SLC2A9: variants seen among roughly 807,000 people sequenced by gnomAD.
The protein encoded by SLC2A9 is solute carrier family 2 member 9.
In SLC2A9, 39 loss-of-function variants were observed where a neutral mutation model predicts 50.6. That is an observed-to-expected ratio of 0.77 (90% CI 0.60 to 1.01). SLC2A9 has a LOEUF of 1.01. Among genes scored for constraint, SLC2A9 ranks in the 50% least tolerant of loss-of-function variants. The probability of loss-of-function intolerance (pLI) is 0.00; values close to 1 mark genes in which losing one functional copy is unlikely to be tolerated. For synonymous variants in SLC2A9, 324 were observed against 276.9 expected (o/e 1.17, Z -1.69); for missense variants, 686 against 677.6 (o/e 1.01, Z -0.14).
At chr4:9,949,681 A>C (rs1749850004) in intron 5 of SLC2A9, among the ~76,000 whole-genome samples, 1 of 152,056 alleles carries the variant, frequency 6.6e-6, no homozygotes, top group Non-Finnish European at 1.5e-5. Flanking sequence ...CCCTTCCCTC[A>C]TGGTGGCAGC....
At chr4:9,774,405 T>C (rs755008800) in intron 1 of SLC2A9, among the ~76,000 whole-genome samples, 5 of 152,208 alleles carry the variant, frequency 3.3e-5, no homozygotes, top group Non-Finnish European at 7.3e-5. Flanking sequence ...CCCGTGATGT[T>C]CCCTCTGTTA....
At position 9,955,288 on chromosome 4, in the gene SLC2A9, C is replaced by T. The variant is rs1396237384; in HGVS notation, c.682-13243G>A. On this transcript the variant is annotated intron_variant, in intron 5 of 11. Coordinates refer to ENST00000264784, the MANE Select transcript of SLC2A9 (RefSeq NM_020041.3). ...CGGGTGGATCACGAGGTCAGGAGAT[C>T]GAGACCATCCTGGCTAACACGGTGA... Among the ~76,000 whole-genome samples the T allele has an allele frequency of 1.4e-3, 63 of 45,842 alleles. 15 individuals carry two copies. Among genetic ancestry groups the T allele is most frequent in the East Asian group, 5.3e-3 (22 of 4,148 alleles). The allele number at this position is 45,842 out of a possible 152,430, so 30.1% of individuals were successfully genotyped here.
At chr4:9,857,506 A>G (rs917798957) in intron 10 of SLC2A9, among the ~76,000 whole-genome samples, 1 of 152,274 alleles carries the variant, frequency 6.6e-6, no homozygotes, top group Admixed American at 6.5e-5. Context: ...GCTGTCCCAC[A>G]TCCACCTGCC....
At position 9,884,950 on chromosome 4, in the gene SLC2A9, A is replaced by G. The variant is rs751593171; in HGVS notation, c.1291+2617T>C. On this transcript the variant is annotated intron_variant, in intron 10 of 11. Transcript: ENST00000264784. ...AACCAAACACCACATGTTCTCACTCATAAGTGTGAGCTGAATAATGAGAAC... is the reference window on the plus strand; with the variant it reads ...AACCAAACACCACATGTTCTCACTCGTAAGTGTGAGCTGAATAATGAGAAC... Among the ~76,000 whole-genome samples the G allele has an allele frequency of 4.6e-5, 7 of 152,212 alleles. No homozygotes were observed. The South Asian group carries it at 8.3e-4, about 18-fold the overall frequency.
chr4:9,924,935 T>C (rs1294913276), intron 6 of SLC2A9, among the ~76,000 whole-genome samples: 1 of 152,282 alleles, frequency 6.6e-6, no homozygotes, highest in South Asian at 2.1e-4. Context: ...ACTGGGCTCA[T>C]TATCCCCAGG....
At chr4:9,959,346 T>C (rs779949215) in intron 5 of SLC2A9, among the ~76,000 whole-genome samples, 19 of 151,040 alleles carry the variant, frequency 1.3e-4, no homozygotes, top group Non-Finnish European at 2.4e-4. Context: ...GAGCTGAGAT[T>C]GTGCCACTGC....
intron 10 of SLC2A9, among the ~76,000 whole-genome samples, chr4:9,841,030 C>T (rs1009050926): frequency 1.3e-5 from 2 of 152,156 alleles, no homozygotes; most frequent in African/African-American, 4.8e-5. Context: ...TCAATCACCT[C>T]CTACAAGTCC....
chr4:10,019,393 C>T lies in SLC2A9; in HGVS notation c.151-320G>A, dbSNP rs560017982. The T allele has an allele frequency of 9.6e-4, 416 of 433,224 alleles. 4 individuals carry two copies. The highest frequency in any genetic ancestry group is 7.9e-3 in the South Asian group (273 of 34,670). The allele number at this position is 433,224 out of a possible 1,614,324, so 26.8% of individuals were successfully genotyped here. ...CACACGATCCTTTCAGCGAAGTTGG[C>T]GAGTGTCCGACCCAGACAGAAAAAA... is the stretch of plus-strand genomic sequence containing the variant. On this transcript the variant is annotated intron_variant, in intron 1 of 11. Transcript: ENST00000264784.
chr4:9,894,140 T>C (rs562628804), intron 8 of SLC2A9, among the ~76,000 whole-genome samples: 1 of 152,360 alleles, frequency 6.6e-6, no homozygotes, highest in Admixed American at 6.5e-5. Flanking sequence ...GACAACGATC[T>C]TTGTTGGTGT....
intron 8 of SLC2A9, among the ~76,000 whole-genome samples, chr4:9,905,828 G>A (rs114047138): frequency 1.1e-3 from 170 of 152,156 alleles, no homozygotes; most frequent in African/African-American, 3.8e-3. Flanking sequence ...AACACTTTGG[G>A]GTGTCGGTGG....
At chr4:9,997,068 A>G in intron 2 of SLC2A9, 127 bp from the exon 3 acceptor site, 1 of 1,098,224 alleles carries the variant, frequency 9.1e-7, no homozygotes, top group Non-Finnish European at 1.4e-6. Flanking sequence ...AATTTGTTTG[A>G]GCTTTATCTC....
At chr4:9,786,003 G>C (rs887011244) in intron 3 of SLC2A9, among the ~76,000 whole-genome samples, 1 of 152,200 alleles carries the variant, frequency 6.6e-6, no homozygotes, top group African/African-American at 2.4e-5. Flanking sequence ...CTAATGTCTG[G>C]GAAGGAGAGT....
intron 9 of SLC2A9, among the ~76,000 whole-genome samples, chr4:9,888,037 T>C (rs1302705411): frequency 6.7e-6 from 1 of 148,886 alleles, no homozygotes; most frequent in Non-Finnish European, 1.5e-5. Flanking sequence ...AAACCCCACA[T>C]GTCTCACTCA....
At chr4:9,980,465 T>C in intron 5 of SLC2A9, 127 bp downstream of exon 5, 1 of 1,274,228 alleles carries the variant, frequency 7.8e-7, no homozygotes, top group South Asian at 1.3e-5. Flanking sequence ...TTTTCTCCAA[T>C]AATAAGTAAG....
chr4:9,846,701 C>T (rs185213646), intron 10 of SLC2A9, among the ~76,000 whole-genome samples: 1,825 of 152,284 alleles, frequency 0.012, 33 homozygotes, highest in African/African-American at 0.04. Context: ...AGGCTAGTAG[C>T]TAAGACCATT....
intron 5 of SLC2A9, among the ~76,000 whole-genome samples, chr4:9,973,010 G>T (rs1034675095): frequency 6.6e-6 from 1 of 151,986 alleles, no homozygotes; most frequent in Non-Finnish European, 1.5e-5. Flanking sequence ...GAAACCAAAA[G>T]TTCATTATTT....
intron 8 of SLC2A9, among the ~76,000 whole-genome samples, chr4:9,899,847 C>T (rs1739267465): frequency 6.6e-6 from 1 of 152,142 alleles, no homozygotes; most frequent in Non-Finnish European, 1.5e-5. Context: ...GAAGGAAAGG[C>T]TGGCAGCAGA....
rs1482988223 is a variant in SLC2A9, at chr4:9,878,112, C to A, written c.1291+9455G>T. 2.6e-5 allele frequency among the ~76,000 whole-genome samples: 4 copies of A among 151,878 alleles called. No individual in the cohort carries two copies. In the East Asian group the frequency reaches 5.8e-4, roughly 22 times the overall value. ...CATCCTTTTATCTTCAACTCCCAGC[C>A]CAGGGCTGGCACTGTGGCATAACAC... is the stretch of plus-strand genomic sequence containing the variant. On this transcript the variant is annotated intron_variant, in intron 10 of 11. Coordinates refer to ENST00000264784, the MANE Select transcript of SLC2A9 (RefSeq NM_020041.3).
upstream of SLC2A9, among the ~76,000 whole-genome samples, chr4:10,024,481 G>T (rs572386976): frequency 6.6e-6 from 1 of 152,218 alleles, no homozygotes; most frequent in African/African-American, 2.4e-5. Context: ...ACGTGAGGAC[G>T]CAGGGAGAAG....
Sources: gnomAD v4.1 joint callset for allele counts (sites outside exome capture counted in the v4.1 genomes callset) on GRCh38, gnomAD v4.1.1 for gene constraint, MANE v1.5 for transcripts, NCBI Gene and HGNC (gene_info 2026-07-23, HGNC 2026-07-21) for gene names.